Variants in RBFOX1 observed in about 807,000 individuals in gnomAD.
RBFOX1 encodes the protein RNA binding protein fox-1 homolog 1.
In RBFOX1, 8 loss-of-function variants were observed where a neutral mutation model predicts 57.7. That is an observed-to-expected ratio of 0.14 (90% CI 0.08 to 0.25). The LOEUF is 0.25. Ranked by LOEUF, RBFOX1 falls within the 10% of genes least tolerant of loss-of-function variation. RBFOX1 has a pLI of 1.00. For synonymous variants in RBFOX1, 326 were observed against 222.4 expected (o/e 1.47, Z -4.15); for missense variants, 611 against 548.5 (o/e 1.11, Z -1.14).
intron 1 of RBFOX1, among the ~76,000 whole-genome samples, chr16:6,242,526 G>A (rs2097545097): frequency 6.6e-6 from 1 of 151,342 alleles, no homozygotes; most frequent in East Asian, 2.0e-4. Context: ...ACAGCGCCTG[G>A]CCTGGTTGGA....
chr16:5,583,724 C>T (rs762431883), intron 2 of RBFOX1, among the ~76,000 whole-genome samples: 2 of 152,168 alleles, frequency 1.3e-5, no homozygotes, highest in Non-Finnish European at 2.9e-5. Flanking sequence ...AGGATTGTCT[C>T]ATTTTAGGAT....
intron 4 of RBFOX1, among the ~76,000 whole-genome samples, chr16:7,167,952 G>C (rs1463206875): frequency 6.6e-6 from 1 of 152,184 alleles, no homozygotes; most frequent in Non-Finnish European, 1.5e-5. Context: ...GATGTTTGTA[G>C]TGAGAGTCTG....
At chr16:7,340,108 T>C (rs572067586) in intron 4 of RBFOX1, among the ~76,000 whole-genome samples, 2 of 152,210 alleles carry the variant, frequency 1.3e-5, no homozygotes, top group South Asian at 4.1e-4. Flanking sequence ...TTGCCCACTT[T>C]AGAGCCAGAG....
chr16:7,642,285 T>A (rs1815995545), intron 11 of RBFOX1, among the ~76,000 whole-genome samples: 1 of 152,166 alleles, frequency 6.6e-6, no homozygotes, highest in Non-Finnish European at 1.5e-5. Context: ...TCCTCCAGGT[T>A]GGCTTTGGGC....
At chr16:5,658,388 G>T (rs1408101094) in intron 3 of RBFOX1, among the ~76,000 whole-genome samples, 1 of 152,148 alleles carries the variant, frequency 6.6e-6, no homozygotes, top group Non-Finnish European at 1.5e-5. Flanking sequence ...CCTGAGCCTT[G>T]AGTGGCCACG....
At chr16:5,714,380 A>T (rs2051609323) in intron 3 of RBFOX1, among the ~76,000 whole-genome samples, 1 of 152,158 alleles carries the variant, frequency 6.6e-6, no homozygotes, top group Non-Finnish European at 1.5e-5. Context: ...ACTTCCCCAT[A>T]CCAATGACTG....
chr16:6,924,651 A>T (rs1208896836), intron 3 of RBFOX1, among the ~76,000 whole-genome samples: 1 of 151,470 alleles, frequency 6.6e-6, no homozygotes, highest in African/African-American at 2.4e-5. Flanking sequence ...TTACTGTGAT[A>T]AAATATTTCT....
intron 3 of RBFOX1, among the ~76,000 whole-genome samples, chr16:5,844,525 T>C (rs75812902): frequency 0.017 from 2,614 of 152,242 alleles, 73 homozygotes; most frequent in African/African-American, 0.059. Context: ...ACCTTGGACA[T>C]GTGTGTAAGT....
intron 2 of RBFOX1, among the ~76,000 whole-genome samples, chr16:6,571,394 C>T (rs1007220953): frequency 1.3e-5 from 2 of 152,168 alleles, no homozygotes; most frequent in Non-Finnish European, 2.9e-5. Context: ...TGTCAGGAAT[C>T]AATATCAGGT....
intron 3 of RBFOX1, among the ~76,000 whole-genome samples, chr16:5,845,477 C>T (rs1021877838): frequency 5.9e-5 from 9 of 152,160 alleles, no homozygotes; most frequent in African/African-American, 1.9e-4. Context: ...TCATCCAACC[C>T]AGCTGTTTGC....
chr16:6,051,549 G>C (rs2095552004), intron 1 of RBFOX1, among the ~76,000 whole-genome samples: 1 of 152,036 alleles, frequency 6.6e-6, no homozygotes, highest in Admixed American at 6.6e-5. Context: ...GGTTGGTCTT[G>C]AACTCCTGAC....
chr16:5,303,766 C>A (rs2151203167), intron 1 of RBFOX1, among the ~76,000 whole-genome samples: 1 of 151,380 alleles, frequency 6.6e-6, no homozygotes, highest in East Asian at 1.9e-4. Context: ...TCTCTTGTAC[C>A]TGGACTCCTT....
At chr16:7,169,974 C>T (rs900507934) in intron 4 of RBFOX1, among the ~76,000 whole-genome samples, 1 of 151,954 alleles carries the variant, frequency 6.6e-6, no homozygotes, top group Non-Finnish European at 1.5e-5. Context: ...TTGGGAGGAT[C>T]AGGTAGGAGG....
intron 2 of RBFOX1, among the ~76,000 whole-genome samples, chr16:6,424,890 CTA>C (rs1193638236): frequency 6.6e-6 from 1 of 152,062 alleles, no homozygotes; most frequent in Non-Finnish European, 1.5e-5. Flanking sequence ...ACTATTTGCA[CTA>C]TGTTTTACTT....
At chr16:6,267,405 T>G (rs2074650645) in intron 1 of RBFOX1, among the ~76,000 whole-genome samples, 1 of 152,216 alleles carries the variant, frequency 6.6e-6, no homozygotes, top group South Asian at 2.1e-4. Context: ...TCCTCTTCTG[T>G]TCCTTATAGG....
intron 2 of RBFOX1, among the ~76,000 whole-genome samples, chr16:5,495,185 G>T (rs2042962626): frequency 6.6e-6 from 1 of 152,174 alleles, no homozygotes; most frequent in Non-Finnish European, 1.5e-5. Context: ...CAGATCAGGA[G>T]ATCTAAGGTG....
At chr16:5,640,677 C>G (rs1596549429) in intron 3 of RBFOX1, among the ~76,000 whole-genome samples, 1 of 151,860 alleles carries the variant, frequency 6.6e-6, no homozygotes. Context: ...CATGCATACA[C>G]ACAAGCACAC....
At chr16:6,274,825 C>T (rs1200270574) in intron 1 of RBFOX1, among the ~76,000 whole-genome samples, 1 of 152,112 alleles carries the variant, frequency 6.6e-6, no homozygotes, top group Admixed American at 6.5e-5. Context: ...AGAGAATGAG[C>T]AGAAGGAGGA....
intron 2 of RBFOX1, among the ~76,000 whole-genome samples, chr16:6,417,880 A>G (rs142817935): frequency 3.9e-5 from 6 of 152,102 alleles, no homozygotes; most frequent in Non-Finnish European, 5.9e-5. Context: ...TAAAGAAAGC[A>G]AAAGACAGAA....
Sources: allele counts gnomAD v4.1 joint callset (sites outside exome capture counted in the v4.1 genomes callset), GRCh38; gene constraint gnomAD v4.1.1; transcripts MANE v1.5; gene names NCBI Gene and HGNC (gene_info 2026-07-23, HGNC 2026-07-21).